DPYSL2: variants seen among roughly 807,000 people sequenced by gnomAD.
DPYSL2 encodes the protein dihydropyrimidinase like 2.
Under a neutral mutation model 69.9 loss-of-function variants are expected in DPYSL2, and 13 were observed. The observed-to-expected ratio is 0.19, with a 90% CI of 0.12 to 0.30. DPYSL2 has a LOEUF of 0.30. Among genes scored for constraint, DPYSL2 ranks in the 10% least tolerant of loss-of-function variants. The pLI is 1.00. For missense variants in DPYSL2, 587 were observed against 918.9 expected (o/e 0.64, Z 4.67); for synonymous variants, 326 against 359.1 (o/e 0.91, Z 1.04).
chr8:26,526,714 G>C (rs1808484138), intron 1 of DPYSL2, among the ~76,000 whole-genome samples: 1 of 152,232 alleles, frequency 6.6e-6, no homozygotes, highest in South Asian at 2.1e-4. Context: ...TATTGTCAAT[G>C]TCCTTCAGTG....
Position 26,650,292 on chromosome 8 carries a change from A to T in DPYSL2, c.1597-1965A>T, listed in dbSNP as rs1803255235. ...TACCTGGGGTGTGAACCCAGGGCAGATGTCTCCATGGCCGAGGCTGCGCCC... is the reference window on the plus strand; with the variant it reads ...TACCTGGGGTGTGAACCCAGGGCAGTTGTCTCCATGGCCGAGGCTGCGCCC... On this transcript the variant is annotated intron_variant, in intron 11 of 13. Coordinates refer to ENST00000521913, the MANE Select transcript of DPYSL2 (RefSeq NM_001197293.3). This position sits in a 1 kb window ranked among gnomAD's most constrained non-coding sequence, Gnocchi z 5.3. Among the ~76,000 whole-genome samples the T allele has an allele frequency of 6.6e-6, 1 of 152,208 alleles. No homozygotes were observed. Among genetic ancestry groups the T allele is most frequent in the Non-Finnish European group, 1.5e-5 (1 of 68,048 alleles).
chr8:26,585,436 G>A lies in DPYSL2; in HGVS notation c.628+1453G>A, dbSNP rs1801579875. ...CTCAGGGTCTGAAGCATCAGGAACAGCTCTCTCCTGTTTCAGCTTTCTTGG... is the reference window on the plus strand; with the variant it reads ...CTCAGGGTCTGAAGCATCAGGAACAACTCTCTCCTGTTTCAGCTTTCTTGG... On this transcript the variant is annotated intron_variant, in intron 3 of 13. Coordinates refer to ENST00000521913, the MANE Select transcript of DPYSL2 (RefSeq NM_001197293.3). The surrounding 1 kb of genome is among the most constrained non-coding windows in gnomAD (Gnocchi z 4.0). Among the ~76,000 whole-genome samples, 1 of 152,168 alleles carries A rather than the reference G, an allele frequency of 6.6e-6. No individual in the cohort carries two copies. Among genetic ancestry groups the A allele is most frequent in the African/African-American group, 2.4e-5 (1 of 41,434 alleles).
chr8:26,568,597 A>T (rs1461651897), intron 1 of DPYSL2, among the ~76,000 whole-genome samples: 1 of 152,220 alleles, frequency 6.6e-6, no homozygotes, highest in South Asian at 2.1e-4. Flanking sequence ...AAATTGCCCC[A>T]AAGTGTCCTC....
At chr8:26,529,322 C>T (rs977942826) in intron 1 of DPYSL2, among the ~76,000 whole-genome samples, 2 of 150,846 alleles carry the variant, frequency 1.3e-5, no homozygotes, top group African/African-American at 2.4e-5. Flanking sequence ...ATCTATCTAT[C>T]ATCTATCTAT....
intron 1 of DPYSL2, chr8:26,547,917 C>A (rs868052925): frequency 1.5e-5 from 4 of 269,368 alleles, no homozygotes; most frequent in Non-Finnish European, 3.1e-5. Flanking sequence ...CATCCCAGAC[C>A]CTCTATCCAA....
At chr8:26,569,377 C>CAAAAAAA (rs1316731457) in intron 1 of DPYSL2, among the ~76,000 whole-genome samples, 1 of 126,568 alleles carries the variant, frequency 7.9e-6, no homozygotes, top group Non-Finnish European at 1.6e-5. Context: ...AAAACAAAAA[C>CAAAAAAA]AAAAAAAAAC....
chr8:26,616,282 A>G (rs2129871508), intron 3 of DPYSL2, among the ~76,000 whole-genome samples: 1 of 152,236 alleles, frequency 6.6e-6, no homozygotes, highest in South Asian at 2.1e-4. Context: ...AAACCACGTT[A>G]TCCTAACTGC....
chr8:26,527,110 T>C (rs918864556), intron 1 of DPYSL2, among the ~76,000 whole-genome samples: 1 of 152,178 alleles, frequency 6.6e-6, no homozygotes, highest in Non-Finnish European at 1.5e-5. Flanking sequence ...TGGGCTAGTT[T>C]TGTCTTGGTC....
intron 1 of DPYSL2, among the ~76,000 whole-genome samples, chr8:26,570,330 C>G (rs1320787537): frequency 6.6e-6 from 1 of 152,140 alleles, no homozygotes; most frequent in East Asian, 1.9e-4. Flanking sequence ...GGGGAAACAT[C>G]TAAGGAATGT....
intron 1 of DPYSL2, among the ~76,000 whole-genome samples, chr8:26,561,419 C>A (rs1801068560): frequency 6.6e-6 from 1 of 152,136 alleles, no homozygotes; most frequent in South Asian, 2.1e-4. Flanking sequence ...AAATTCACAT[C>A]TTAAGCCCCA....
At chr8:26,601,431 G>A (rs1406768087) in intron 3 of DPYSL2, among the ~76,000 whole-genome samples, 6 of 151,864 alleles carry the variant, frequency 4.0e-5, no homozygotes, top group Non-Finnish European at 8.8e-5. Flanking sequence ...AGGCTGGAGT[G>A]CGGTGGCGCC....
chr8:26,649,503 T>TA (rs1803238837), intron 11 of DPYSL2, among the ~76,000 whole-genome samples: 1 of 152,186 alleles, frequency 6.6e-6, no homozygotes, highest in African/African-American at 2.4e-5. Flanking sequence ...TACCCTGCTT[T>TA]TACCTCCAGG....
Position 26,641,489 on chromosome 8 carries a change from G to T in DPYSL2, c.1127-1950G>T, listed in dbSNP as rs112643514. On this transcript the variant is annotated intron_variant, in intron 8 of 13. Transcript: ENST00000521913. This position sits in a 1 kb window ranked among gnomAD's most constrained non-coding sequence, Gnocchi z 4.1. The stretch of plus-strand genomic sequence containing the variant: ...GATCCTTTGAGAACTGATGACTGCT[G>T]CTGGGTCCTGCCCAGCCATTTGCAT... 2.6e-5 allele frequency among the ~76,000 whole-genome samples: 4 copies of T among 152,352 alleles called. No individual in the cohort carries two copies. Among genetic ancestry groups the T allele is most frequent in the African/African-American group, 9.6e-5 (4 of 41,582 alleles).
At chr8:26,604,629 A>C (rs1802067868) in intron 3 of DPYSL2, among the ~76,000 whole-genome samples, 1 of 151,430 alleles carries the variant, frequency 6.6e-6, no homozygotes. Context: ...AGCTATCTTC[A>C]TCTCAACCTA....
intron 8 of DPYSL2, chr8:26,638,128 A>G (rs1280428380): frequency 3.9e-5 from 6 of 152,192 alleles, no homozygotes; most frequent in African/African-American, 1.4e-4. Flanking sequence ...CATTTTCATG[A>G]TGTGATACTT....
chr8:26,582,155 A>T lies in DPYSL2; in HGVS notation c.443+98A>T, dbSNP rs1432828573. ...ATCCAAAGTATCAAACTTCAGGAAC[A>T]TCAGAGAGTGACCAACTTAGTATCT... On this transcript the variant is annotated intron_variant, in intron 2 of 13. Coordinates refer to ENST00000521913, the MANE Select transcript of DPYSL2 (RefSeq NM_001197293.3). This position sits in a 1 kb window ranked among gnomAD's most constrained non-coding sequence, Gnocchi z 4.1. The T allele has an allele frequency of 4.2e-6, 4 of 960,372 alleles. No homozygotes were observed. Among genetic ancestry groups the T allele is most frequent in the African/African-American group, 3.2e-5 (2 of 61,756 alleles). 59.5% of individuals were successfully genotyped at this position (960,372 alleles called of 1,614,324 possible).
rs1801057554 is a variant in DPYSL2, at chr8:26,560,736, C to T, written c.355-21233C>T. On this transcript the variant is annotated intron_variant, in intron 1 of 13. Transcript: ENST00000521913. This position sits in a 1 kb window ranked among gnomAD's most constrained non-coding sequence, Gnocchi z 4.4. ...ACTGGTATTTTCCAATCACTAACAT[C>T]CTCTGTCTTTGCAATATGTATAATT... Among the ~76,000 whole-genome samples the T allele has an allele frequency of 6.6e-6, 1 of 152,156 alleles. No individual in the cohort carries two copies. Among genetic ancestry groups the T allele is most frequent in the South Asian group, 2.1e-4 (1 of 4,832 alleles).
At position 26,578,580 on chromosome 8, in the gene DPYSL2, T is replaced by A. The variant is rs966609015; in HGVS notation, c.355-3389T>A. ...ATCTTTTATTGTCAGTGAGAGATGCTGCAGCGTCGGCCCGCGGGGTGCAAG... is the reference window on the plus strand; with the variant it reads ...ATCTTTTATTGTCAGTGAGAGATGCAGCAGCGTCGGCCCGCGGGGTGCAAG... On this transcript the variant is annotated intron_variant, in intron 1 of 13. Coordinates refer to ENST00000521913, the MANE Select transcript of DPYSL2 (RefSeq NM_001197293.3). The A allele has an allele frequency of 9.0e-6, 12 of 1,336,356 alleles. No individual in the cohort carries two copies. The African/African-American group carries it at 1.5e-4, about 17-fold the overall frequency. The allele number at this position is 1,336,356 out of a possible 1,614,324, so 82.8% of individuals were successfully genotyped here.
chr8:26,595,385 A>T (rs1251830459), intron 3 of DPYSL2, among the ~76,000 whole-genome samples: 1 of 152,092 alleles, frequency 6.6e-6, no homozygotes, highest in East Asian at 1.9e-4. Context: ...GGCCCTGCAG[A>T]TGTAAAGCAG....
Sources: gnomAD v4.1 joint callset for allele counts (sites outside exome capture counted in the v4.1 genomes callset) on GRCh38, gnomAD v4.1.1 for gene constraint, Gnocchi (gnomAD v3.1) non-coding constraint, MANE v1.5 for transcripts, NCBI Gene and HGNC (gene_info 2026-07-23, HGNC 2026-07-21) for gene names.